TXNRD1: variants seen among roughly 807,000 people sequenced by gnomAD.
TXNRD1 encodes the protein thioredoxin reductase 1, also known as thioredoxin reductase 1, cytoplasmic.
TXNRD1 carries 57 observed loss-of-function variants against 80.3 expected under a neutral mutation model. The ratio of observed to expected loss-of-function variants is 0.71; its 90% CI spans 0.57 to 0.89. TXNRD1 has a LOEUF of 0.89. TXNRD1 is among the 40% of genes least tolerant of loss of function. The pLI is 0.00. For synonymous variants in TXNRD1, 291 were observed against 285.2 expected, an observed-to-expected ratio of 1.02 and a Z score of -0.20; for missense variants, 730 against 803.0, an observed-to-expected ratio of 0.91 and a Z score of 1.10.
chr12:104,217,083 G>C (rs966811300), intron 1 of TXNRD1, among the ~76,000 whole-genome samples: 2 of 152,104 alleles, frequency 1.3e-5, no homozygotes, highest in African/African-American at 4.8e-5. Flanking sequence ...TAGGGGAAGG[G>C]AAGAATAAAG....
intron 1 of TXNRD1, among the ~76,000 whole-genome samples, chr12:104,217,662 A>G (rs1203400652): frequency 2.0e-5 from 3 of 152,104 alleles, no homozygotes; most frequent in Non-Finnish European, 4.4e-5. Context: ...GTATATTCAC[A>G]TTGTTGTGAA....
chr12:104,320,169 A>T (rs1395854588), intron 9 of TXNRD1, among the ~76,000 whole-genome samples: 1 of 152,252 alleles, frequency 6.6e-6, no homozygotes, highest in Admixed American at 6.5e-5. Context: ...AAATGGTAAC[A>T]CTGCTGACAT....
chr12:104,327,462 T>A lies in TXNRD1; in HGVS notation c.1386-53T>A, dbSNP rs988358390. On this transcript the variant is annotated intron_variant, in intron 12 of 16. Transcript: ENST00000525566. ...CCTGAAAAAACGGAAGATTTTGTTC[T>A]CCTTAATTAATAATGGTAATTAATG... 249 of 1,540,868 alleles carry A rather than the reference T, an allele frequency of 1.6e-4. 2 individuals are homozygous for A. Among genetic ancestry groups the A allele is most frequent in the Admixed American group, 3.9e-4 (20 of 51,338 alleles).
chr12:104,225,555 T>C (rs1208946552), intron 1 of TXNRD1, among the ~76,000 whole-genome samples: 1 of 152,124 alleles, frequency 6.6e-6, no homozygotes, highest in Non-Finnish European at 1.5e-5. Context: ...CTCATGATAG[T>C]GAGTGAGTTC....
At chr12:104,215,932 G>A (rs1193768751) in intron 1 of TXNRD1, 39 bp downstream of exon 1, 1 of 1,503,002 alleles carries the variant, frequency 6.7e-7, no homozygotes, top group Admixed American at 2.0e-5. Context: ...CAGGTCGACG[G>A]GCCGAAGCGG....
chr12:104,238,621 T>C (rs185929354), intron 1 of TXNRD1, among the ~76,000 whole-genome samples: 2 of 152,332 alleles, frequency 1.3e-5, no homozygotes, highest in African/African-American at 4.8e-5. Context: ...TGTCAAATGT[T>C]TGTATCTGTT....
At chr12:104,280,957 G>A (rs887621264) in intron 3 of TXNRD1, among the ~76,000 whole-genome samples, 1 of 152,078 alleles carries the variant, frequency 6.6e-6, no homozygotes. Flanking sequence ...AATACACATG[G>A]TATTAAATAT....
At chr12:104,217,525 G>C (rs957907881) in intron 1 of TXNRD1, among the ~76,000 whole-genome samples, 1 of 152,024 alleles carries the variant, frequency 6.6e-6, no homozygotes, top group African/African-American at 2.4e-5. Context: ...GGTCAGGCTG[G>C]TCTTGAACTC....
At chr12:104,337,584 C>T (rs116225317) in intron 15 of TXNRD1, among the ~76,000 whole-genome samples, 68 of 151,972 alleles carry the variant, frequency 4.5e-4, no homozygotes, top group African/African-American at 1.6e-3. Context: ...TTGCTGGGCA[C>T]AGTGGCTCAC....
At chr12:104,316,020 T>C in intron 7 of TXNRD1, 124 bp downstream of exon 7, 1 of 1,056,666 alleles carries the variant, frequency 9.5e-7, no homozygotes, top group Non-Finnish European at 1.3e-6. Context: ...GTTTACATTT[T>C]TGATGGATAT....
chr12:104,232,196 A>G (rs566997971), intron 1 of TXNRD1, among the ~76,000 whole-genome samples: 38 of 152,316 alleles, frequency 2.5e-4, no homozygotes, highest in African/African-American at 9.1e-4. Flanking sequence ...TGTATCCTCA[A>G]ATATCTGTAA....
intron 1 of TXNRD1, among the ~76,000 whole-genome samples, chr12:104,222,485 T>G (rs1224609095): frequency 6.6e-6 from 1 of 152,198 alleles, no homozygotes; most frequent in African/African-American, 2.4e-5. Flanking sequence ...TAGGGACATA[T>G]AATCAAAGAA....
At chr12:104,265,307 C>T in intron 3 of TXNRD1, 1 of 1,604,892 alleles carries the variant, frequency 6.2e-7, no homozygotes, top group Non-Finnish European at 8.5e-7. Flanking sequence ...GGAGAGCACG[C>T]CATGAAGGCC....
At position 104,228,301 on chromosome 12, in the gene TXNRD1, CAA is replaced by C. The variant is rs11349965; in HGVS notation, c.91+12426_91+12427del. Among the ~76,000 whole-genome samples the C allele has an allele frequency of 5.2e-3, 605 of 116,286 alleles. 8 individuals carry two copies. Among genetic ancestry groups the C allele is most frequent in the African/African-American group, 0.013 (379 of 30,294 alleles). The allele number at this position is 116,286 out of a possible 152,430, so 76.3% of individuals were successfully genotyped here. A position where few individuals can be genotyped will look rare whatever the true frequency, so the allele number is the denominator to read the frequency against. ...TGGCAACAAGAGCAAAACTCCATCT[CAA>C]AAAAAAAAAAAAAAAAATCTGTATT... On this transcript the variant is annotated intron_variant, in intron 1 of 16. Transcript: ENST00000525566.
At chr12:104,323,421 C>T (rs1444159194) in intron 10 of TXNRD1, among the ~76,000 whole-genome samples, 13 of 150,690 alleles carry the variant, frequency 8.6e-5, no homozygotes, top group Non-Finnish European at 1.3e-4. Flanking sequence ...CCCCACCTCC[C>T]TCCCGGACGG....
chr12:104,228,394 G>C (rs2032526388), intron 1 of TXNRD1, among the ~76,000 whole-genome samples: 1 of 151,690 alleles, frequency 6.6e-6, no homozygotes, highest in African/African-American at 2.4e-5. Context: ...GCACTTTGGA[G>C]GCTGAGGCAG....
At chr12:104,317,580 C>T (rs567120108) in intron 7 of TXNRD1, among the ~76,000 whole-genome samples, 2 of 152,254 alleles carry the variant, frequency 1.3e-5, no homozygotes, top group African/African-American at 4.8e-5. Context: ...AGGATCATGC[C>T]TGTAATCCCA....
intron 1 of TXNRD1, among the ~76,000 whole-genome samples, chr12:104,242,169 C>G (rs1245436621): frequency 6.6e-6 from 1 of 151,560 alleles, no homozygotes; most frequent in African/African-American, 2.4e-5. Context: ...GAACACCTGA[C>G]CTCAGGTGAT....
chr12:104,332,809 G>A, intron 14 of TXNRD1, among the ~76,000 whole-genome samples: 1 of 148,704 alleles, frequency 6.7e-6, no homozygotes, highest in Non-Finnish European at 1.5e-5. Flanking sequence ...TTCAAAATTA[G>A]GAAAATATCA....
Sources: gnomAD v4.1 joint callset for allele counts (sites outside exome capture counted in the v4.1 genomes callset) on GRCh38, gnomAD v4.1.1 for gene constraint, MANE v1.5 for transcripts, NCBI Gene and HGNC (gene_info 2026-07-23, HGNC 2026-07-21) for gene names.